Variants in PUM1 observed in about 807,000 individuals in gnomAD.
PUM1 encodes the protein pumilio RNA binding family member 1.
Under a neutral mutation model 131.8 loss-of-function variants are expected in PUM1, and 13 were observed. The observed-to-expected ratio is 0.10, with a 90% confidence interval of 0.06 to 0.16. The LOEUF is 0.16. Among genes scored for constraint, PUM1 ranks in the 10% least tolerant of loss-of-function variants. The pLI is 1.00. For synonymous variants in PUM1, 509 were observed against 556.5 expected (o/e 0.91, Z 1.20); for missense variants, 961 against 1,512.4 (o/e 0.64, Z 6.05).
intron 2 of PUM1, among the ~76,000 whole-genome samples, chr1:31,044,809 T>G (rs1643913550): frequency 6.6e-6 from 1 of 151,962 alleles, no homozygotes; most frequent in South Asian, 2.1e-4. Context: ...TGTTTTGTTT[T>G]TTGTTGTTGT....
intron 3 of PUM1, among the ~76,000 whole-genome samples, chr1:31,012,811 G>A (rs1642673283): frequency 6.6e-6 from 1 of 152,024 alleles, no homozygotes; most frequent in African/African-American, 2.4e-5. Flanking sequence ...ATAAAAAGTG[G>A]AGAATATCAA....
chr1:31,064,856 C>T (rs1192671815), intron 1 of PUM1, among the ~76,000 whole-genome samples: 3 of 135,008 alleles, frequency 2.2e-5, no homozygotes, highest in South Asian at 4.7e-4. Flanking sequence ...AACAAATGAT[C>T]TATGTTTACC....
Position 31,028,841 on chromosome 1 carries a change from A to T in PUM1, c.387T>A (p.Asn129Lys), listed in dbSNP as rs774742455. The change falls in exon 3 of 22, where the codon AAT (asparagine) becomes AAA (lysine). Residue 129 changes from asparagine (N) to lysine (K), a missense_variant. Transcript: ENST00000426105. The part of the protein sequence containing the change: ...EHQVRSMDEL[N>K]HDFQALALEG... ...CCAGAGCAAGTGCTTGAAAATCATG[A>T]TTCAGTTCATCCATGGAACGCACCT... 6.2e-7 allele frequency: 1 copy of T among 1,613,920 alleles called. No homozygotes were observed. The highest frequency in any genetic ancestry group is 1.1e-5 in the South Asian group (1 of 91,080).
rs1267068682 is a variant in PUM1, at chr1:30,952,323, G to A, written c.2632C>T (p.Arg878Cys). 2.5e-5 allele frequency: 41 copies of A among 1,612,568 alleles called. No homozygotes were observed. Among genetic ancestry groups the A allele is most frequent in the Non-Finnish European group, 3.1e-5 (37 of 1,178,702 alleles). The change falls in exon 16 of 22, where the codon CGC (arginine) becomes TGC (cysteine). Residue 878 changes from arginine to cysteine, a missense_variant. By Grantham distance (180) the Arg-to-Cys change is radical (BLOSUM62 -3). Coordinates refer to ENST00000426105, the MANE Select transcript of PUM1 (RefSeq NM_001020658.2). ...AGGATTTCATTGAAGACAAGCTGGC[G>A]CTCAGCTGGTGTGGCACGCTCCAGT... is the stretch of plus-strand genomic sequence containing the variant. Reference protein sequence around the residue: ...LKLERATPAERQLVFNEILQA... With the variant: ...LKLERATPAECQLVFNEILQA...
intron 2 of PUM1, among the ~76,000 whole-genome samples, chr1:31,045,693 A>G (rs560344187): frequency 6.6e-6 from 1 of 152,332 alleles, no homozygotes; most frequent in Admixed American, 6.5e-5. Flanking sequence ...AATATTAAGA[A>G]AGGTACTTGG....
intron 3 of PUM1, among the ~76,000 whole-genome samples, chr1:31,007,717 T>C (rs1642443399): frequency 6.6e-6 from 1 of 152,232 alleles, no homozygotes; most frequent in South Asian, 2.1e-4. Flanking sequence ...CTAACCTCCA[T>C]TAATTTTTTA....
At chr1:30,951,198 G>A (rs1639919935) in intron 16 of PUM1, among the ~76,000 whole-genome samples, 2 of 152,088 alleles carry the variant, frequency 1.3e-5, no homozygotes, top group Admixed American at 1.3e-4. Context: ...AAATCATATG[G>A]CTATAATCCA....
intron 14 of PUM1, among the ~76,000 whole-genome samples, chr1:30,959,875 C>T (rs1478568895): frequency 6.6e-6 from 1 of 150,984 alleles, no homozygotes; most frequent in East Asian, 1.9e-4. Context: ...CCATTGCACT[C>T]CACCCTGGGA....
intron 1 of PUM1, among the ~76,000 whole-genome samples, chr1:31,064,791 G>T (rs10914259): frequency 3.5e-5 from 4 of 114,084 alleles, no homozygotes; most frequent in African/African-American, 1.3e-4. Flanking sequence ...CTATAGGAGG[G>T]AAAAGTTACA....
intron 3 of PUM1, among the ~76,000 whole-genome samples, chr1:31,012,294 G>A (rs7526982): frequency 1.5e-4 from 22 of 151,132 alleles, no homozygotes; most frequent in African/African-American, 5.1e-4. Flanking sequence ...GGTCAATATC[G>A]CAACCCAGTC....
At chr1:31,056,289 C>CT (rs553611487) in intron 2 of PUM1, among the ~76,000 whole-genome samples, 46 of 150,446 alleles carry the variant, frequency 3.1e-4, no homozygotes, top group African/African-American at 1.0e-3. Flanking sequence ...TTTCTTTTTT[C>CT]TTTTTTTGGA....
chr1:31,045,942 C>T (rs1397623492), intron 2 of PUM1, among the ~76,000 whole-genome samples: 2 of 151,980 alleles, frequency 1.3e-5, no homozygotes, highest in Non-Finnish European at 2.9e-5. Context: ...ATTAGCTGGA[C>T]GTGGTGGTGC....
intron 14 of PUM1, 80 bp downstream of exon 14, chr1:30,964,594 G>A: frequency 7.9e-7 from 1 of 1,265,776 alleles, no homozygotes; most frequent in Non-Finnish European, 1.1e-6. Context: ...ACTGTCCTTT[G>A]CTTATGCAAA....
At chr1:31,035,274 T>G (rs1012275216) in intron 2 of PUM1, among the ~76,000 whole-genome samples, 3 of 151,834 alleles carry the variant, frequency 2.0e-5, no homozygotes, top group Non-Finnish European at 4.4e-5. Flanking sequence ...ATGCCTGTAA[T>G]CCCAGCTACT....
intron 14 of PUM1, among the ~76,000 whole-genome samples, chr1:30,964,206 G>A (rs1012274253): frequency 6.6e-6 from 1 of 152,018 alleles, no homozygotes; most frequent in Non-Finnish European, 1.5e-5. Context: ...TTAAAATATG[G>A]CAAAATTTTA....
intron 18 of PUM1, 106 bp downstream of exon 18, chr1:30,945,240 A>G (rs1639623583): frequency 7.5e-7 from 1 of 1,338,772 alleles, no homozygotes; most frequent in African/African-American, 1.4e-5. Flanking sequence ...TCTCAAAAAA[A>G]ATAAAGTACA....
At position 30,995,201 on chromosome 1, in the gene PUM1, C is replaced by T. The variant is rs867871790; in HGVS notation, c.740G>A (p.Ser247Asn). Residue 247 changes from serine (S) to asparagine (N), a missense_variant, in exon 6 of 22, where the codon AGT (serine) becomes AAT (asparagine). Coordinates refer to ENST00000426105, the MANE Select transcript of PUM1 (RefSeq NM_001020658.2). ...CTTTTCACCTTTGTCGTTTTCATCA[C>T]TGTCTGCATCCCTTGGGCCCTGTTT... ...KGGFGPRDAD[S>N]DENDKGEKKN... 1 of 1,614,172 alleles carries T rather than the reference C, an allele frequency of 6.2e-7. No homozygotes were observed. The highest frequency in any genetic ancestry group is 8.5e-7 in the Non-Finnish European group (1 of 1,180,022).
At chr1:31,054,249 G>A (rs554164614) in intron 2 of PUM1, among the ~76,000 whole-genome samples, 8 of 151,922 alleles carry the variant, frequency 5.3e-5, no homozygotes, top group Admixed American at 2.0e-4. Context: ...CGCTTGAGCC[G>A]AGGAGGCAGA....
chr1:31,025,844 C>CCGCT (rs1643202751), intron 3 of PUM1, among the ~76,000 whole-genome samples: 1 of 152,100 alleles, frequency 6.6e-6, no homozygotes, highest in Admixed American at 6.5e-5. Flanking sequence ...GCGTGAGCCA[C>CCGCT]CACGCCCGGC....
Sources: gnomAD v4.1 joint callset for allele counts (sites outside exome capture counted in the v4.1 genomes callset) on GRCh38, gnomAD v4.1.1 for gene constraint, MANE v1.5 for transcripts, NCBI Gene and HGNC (gene_info 2026-07-23, HGNC 2026-07-21) for gene names.